Variants in CCSER1 observed in about 807,000 individuals in gnomAD.
CCSER1 encodes the protein serine-rich coiled-coil domain-containing protein 1.
CCSER1 carries 41 observed loss-of-function variants against 82.0 expected under a neutral mutation model. The ratio of observed to expected loss-of-function variants is 0.50; its 90% confidence interval spans 0.39 to 0.65. The LOEUF (loss-of-function observed/expected upper bound fraction) is 0.65, where lower values mean the gene tolerates loss of function less well. Among genes scored for constraint, CCSER1 ranks in the 30% least tolerant of loss-of-function variants. CCSER1 has a pLI of 0.00. For missense variants in CCSER1, 1,119 were observed against 1,064.2 expected, an observed-to-expected ratio of 1.05 and a Z score of -0.72; for synonymous variants, 414 against 383.9, an observed-to-expected ratio of 1.08 and a Z score of -0.92.
chr4:90,134,929 A>G (rs1180517961), intron 1 of CCSER1, among the ~76,000 whole-genome samples: 1 of 152,248 alleles, frequency 6.6e-6, no homozygotes, highest in Non-Finnish European at 1.5e-5. Flanking sequence ...ACAAAGTTAT[A>G]TATATTTTAT....
At chr4:90,356,199 C>T (rs560752964) in intron 3 of CCSER1, among the ~76,000 whole-genome samples, 1 of 151,762 alleles carries the variant, frequency 6.6e-6, no homozygotes, top group East Asian at 1.9e-4. Flanking sequence ...TGTGTTTAGA[C>T]ATTGTAATGT....
chr4:90,995,682 G>A (rs950960973), intron 9 of CCSER1, among the ~76,000 whole-genome samples: 1 of 151,950 alleles, frequency 6.6e-6, no homozygotes, highest in Non-Finnish European at 1.5e-5. Flanking sequence ...AAATCAAAAT[G>A]CATAGCACAA....
At chr4:91,484,078 G>A (rs187893806) in intron 10 of CCSER1, among the ~76,000 whole-genome samples, 29 of 130,106 alleles carry the variant, frequency 2.2e-4, no homozygotes, top group Non-Finnish European at 4.2e-4. Context: ...AAAAAGCAAA[G>A]CAAAACAAAA....
intron 10 of CCSER1, among the ~76,000 whole-genome samples, chr4:91,292,769 A>C (rs1035007931): frequency 6.6e-6 from 1 of 151,972 alleles, no homozygotes; most frequent in Non-Finnish European, 1.5e-5. Flanking sequence ...GCAAAAATAA[A>C]TTTTAAAAAA....
At chr4:91,422,699 G>GA (rs1244456858) in intron 10 of CCSER1, among the ~76,000 whole-genome samples, 8 of 151,964 alleles carry the variant, frequency 5.3e-5, no homozygotes, top group African/African-American at 1.7e-4. Context: ...GTATAAAAAA[G>GA]AAAAAAACAG....
At chr4:90,746,276 T>A (rs1380867541) in intron 7 of CCSER1, among the ~76,000 whole-genome samples, 1 of 152,222 alleles carries the variant, frequency 6.6e-6, no homozygotes, top group African/African-American at 2.4e-5. Flanking sequence ...CATAGTATAC[T>A]GTTAATAGAT....
chr4:91,384,669 T>G (rs1751160110), intron 10 of CCSER1, among the ~76,000 whole-genome samples: 1 of 152,102 alleles, frequency 6.6e-6, no homozygotes, highest in African/African-American at 2.4e-5. Context: ...AAATGCTTTC[T>G]GAATTGACTC....
intron 9 of CCSER1, among the ~76,000 whole-genome samples, chr4:91,084,842 G>T (rs1042439210): frequency 2.0e-5 from 3 of 151,908 alleles, no homozygotes; most frequent in Non-Finnish European, 2.9e-5. Context: ...ATGTTCATGT[G>T]TTTTTATCTA....
At chr4:90,352,837 A>G (rs1743743192) in intron 3 of CCSER1, among the ~76,000 whole-genome samples, 1 of 152,172 alleles carries the variant, frequency 6.6e-6, no homozygotes, top group South Asian at 2.1e-4. Flanking sequence ...AGTAAAGTAT[A>G]CTATTTTTGA....
At chr4:90,284,265 A>G (rs1729421049) in intron 1 of CCSER1, among the ~76,000 whole-genome samples, 1 of 152,062 alleles carries the variant, frequency 6.6e-6, no homozygotes, top group South Asian at 2.1e-4. Flanking sequence ...TTCTCCCACT[A>G]TGTGGGTTGT....
At chr4:91,086,057 TGTG>T in intron 10 of CCSER1, 63 bp downstream of exon 10, 1 of 971,448 alleles carries the variant, frequency 1.0e-6, no homozygotes, top group Non-Finnish European at 1.6e-6. Context: ...GTTGCAGTGA[TGTG>T]GTGATGGTGA....
At chr4:91,592,221 T>C (rs1018099074) in intron 10 of CCSER1, among the ~76,000 whole-genome samples, 2 of 152,158 alleles carry the variant, frequency 1.3e-5, no homozygotes, top group Non-Finnish European at 2.9e-5. Flanking sequence ...CTTCTTCATA[T>C]GATGGCAGGA....
chr4:91,267,172 G>A (rs1403060384), intron 10 of CCSER1, among the ~76,000 whole-genome samples: 1 of 152,134 alleles, frequency 6.6e-6, no homozygotes, highest in Non-Finnish European at 1.5e-5. Context: ...CACACCTGTG[G>A]ATCCAGCAAA....
Position 91,089,067 on chromosome 4 carries a change from C to A in CCSER1, c.2217+3073C>A, listed in dbSNP as rs117727743. On this transcript the variant is annotated intron_variant, in intron 10 of 10. Transcript: ENST00000509176. ...AGTGAAGGAAGTAGCTTTTAATCAG[C>A]TGAAAGCATCAGCAGACTAGCATCC... Among the ~76,000 whole-genome samples, 16 of 152,290 alleles carry A rather than the reference C, an allele frequency of 1.1e-4. No individual in the cohort carries two copies. The East Asian group carries it at 3.1e-3, about 29-fold the overall frequency.
intron 8 of CCSER1, among the ~76,000 whole-genome samples, chr4:90,846,532 A>G (rs1763256284): frequency 6.6e-6 from 1 of 152,188 alleles, no homozygotes; most frequent in African/African-American, 2.4e-5. Flanking sequence ...GGCATTTTGG[A>G]TATTCATTGC....
intron 10 of CCSER1, among the ~76,000 whole-genome samples, chr4:91,295,504 A>G (rs1018116377): frequency 1.3e-5 from 2 of 151,956 alleles, no homozygotes; most frequent in African/African-American, 4.8e-5. Flanking sequence ...TTCTGAAGAA[A>G]CGTTAATATT....
chr4:90,957,530 TTATA>T (rs1284617749), intron 9 of CCSER1, among the ~76,000 whole-genome samples: 3 of 122,814 alleles, frequency 2.4e-5, no homozygotes, highest in South Asian at 2.2e-4. Flanking sequence ...ATATCATATA[TTATA>T]TATATTATAT....
chr4:90,280,781 G>C (rs562842770), intron 1 of CCSER1, among the ~76,000 whole-genome samples: 98 of 101,374 alleles, frequency 9.7e-4, no homozygotes, highest in African/African-American at 5.0e-3. Flanking sequence ...ACTTGAGGAG[G>C]AGAAGGTCTT....
At chr4:90,657,728 T>C (rs1329725335) in intron 6 of CCSER1, among the ~76,000 whole-genome samples, 2 of 152,220 alleles carry the variant, frequency 1.3e-5, no homozygotes, top group East Asian at 3.8e-4. Context: ...ATCACAGTTT[T>C]CAATTCTCTG....
Sources: allele counts gnomAD v4.1 joint callset (sites outside exome capture counted in the v4.1 genomes callset), GRCh38; gene constraint gnomAD v4.1.1; transcripts MANE v1.5; gene names NCBI Gene and HGNC (gene_info 2026-07-23, HGNC 2026-07-21).